MALRD1: variants seen among roughly 807,000 people sequenced by gnomAD.
The protein encoded by MALRD1 is MAM and LDL-receptor class A domain-containing protein 1.
In MALRD1, 247 loss-of-function variants were observed where a neutral mutation model predicts 242.1. The ratio of observed to expected loss-of-function variants is 1.02; its 90% confidence interval spans 0.92 to 1.13. The LOEUF (loss-of-function observed/expected upper bound fraction) is 1.13. Among genes scored for constraint, MALRD1 ranks in the 50% most tolerant of loss-of-function variants. The pLI, the probability that MALRD1 is intolerant of heterozygous loss-of-function variation, is 0.00. For synonymous variants in MALRD1, 995 were observed against 866.6 expected (o/e 1.15, Z -2.60); for missense variants, 2,989 against 2,533.1 (o/e 1.18, Z -3.86).
chr10:19,459,568 A>G (rs1415323579), intron 29 of MALRD1, among the ~76,000 whole-genome samples: 2 of 152,080 alleles, frequency 1.3e-5, no homozygotes, highest in Non-Finnish European at 2.9e-5. Context: ...CAAAAGAACT[A>G]TGTGATTGAG....
chr10:19,485,873 GAAT>G (rs1046187771), intron 29 of MALRD1, among the ~76,000 whole-genome samples: 2 of 151,794 alleles, frequency 1.3e-5, no homozygotes, highest in Non-Finnish European at 2.9e-5. Flanking sequence ...ACTCTATGAT[GAAT>G]AATAATGGAA....
intron 4 of MALRD1, among the ~76,000 whole-genome samples, chr10:19,088,856 G>A (rs1320705991): frequency 5.9e-5 from 2 of 34,182 alleles, no homozygotes. Flanking sequence ...TTGTTCTTGC[G>A]ATAGTTTACT....
chr10:19,611,150 C>A (rs545753958), intron 35 of MALRD1, among the ~76,000 whole-genome samples: 1 of 152,036 alleles, frequency 6.6e-6, no homozygotes, highest in South Asian at 2.1e-4. Flanking sequence ...ACCTTCCTAG[C>A]AGTCCTATAA....
chr10:19,424,033 C>G (rs1833813018), intron 28 of MALRD1, among the ~76,000 whole-genome samples: 2 of 151,830 alleles, frequency 1.3e-5, no homozygotes, highest in Admixed American at 1.3e-4. Context: ...GAAAATAAAA[C>G]AGAAAAAAAG....
At chr10:19,401,355 T>C (rs772420744) in intron 28 of MALRD1, among the ~76,000 whole-genome samples, 1 of 152,196 alleles carries the variant, frequency 6.6e-6, no homozygotes, top group African/African-American at 2.4e-5. Flanking sequence ...TTTGGGTAAC[T>C]TCTAACATAA....
At chr10:19,310,621 G>T (rs1842388474) in intron 21 of MALRD1, among the ~76,000 whole-genome samples, 1 of 151,438 alleles carries the variant, frequency 6.6e-6, no homozygotes, top group Non-Finnish European at 1.5e-5. Flanking sequence ...TCCTAAATTT[G>T]GTCTTAAGAT....
At chr10:19,218,828 A>G (rs1293907962) in intron 18 of MALRD1, among the ~76,000 whole-genome samples, 1 of 152,128 alleles carries the variant, frequency 6.6e-6, no homozygotes, top group Non-Finnish European at 1.5e-5. Context: ...TAAGAAACAA[A>G]AATACTAAGG....
intron 19 of MALRD1, among the ~76,000 whole-genome samples, chr10:19,260,694 G>A (rs941816891): frequency 1.3e-5 from 2 of 152,076 alleles, no homozygotes; most frequent in African/African-American, 4.8e-5. Context: ...AAGAGTGCCT[G>A]GTCCATCATA....
intron 26 of MALRD1, among the ~76,000 whole-genome samples, chr10:19,370,265 C>A (rs951410708): frequency 2.6e-5 from 4 of 152,022 alleles, no homozygotes; most frequent in African/African-American, 9.7e-5. Context: ...AAATGTGAGA[C>A]CCTACTGGGA....
At chr10:19,095,764 C>T (rs988981410) in intron 4 of MALRD1, among the ~76,000 whole-genome samples, 2 of 152,150 alleles carry the variant, frequency 1.3e-5, no homozygotes, top group Non-Finnish European at 1.5e-5. Context: ...TTATTAACCG[C>T]TGGAGAAGTT....
At position 19,209,480 on chromosome 10, in the gene MALRD1, C is replaced by A; in HGVS notation, c.2791C>A (p.Pro931Thr). 1 of 1,550,784 alleles carries A rather than the reference C, an allele frequency of 6.4e-7. No homozygotes were observed. The highest frequency in any genetic ancestry group is 8.7e-7 in the Non-Finnish European group (1 of 1,147,034). The part of the protein sequence containing the change: ...AFQDSAALLS[P>T]ILNATDTKGC... ...TCAAGACAGTGCTGCCTTACTCAGC[C>A]CAATCCTTAATGCCACTGATACAAA... Residue 931 changes from proline to threonine, a missense_variant, in exon 18 of 40, where the codon CCA becomes ACA. By Grantham distance (38) the Pro-to-Thr change is conservative. Coordinates refer to ENST00000454679, the MANE Select transcript of MALRD1 (RefSeq NM_001142308.3).
chr10:19,118,166 A>G lies in MALRD1; in HGVS notation c.695-5326A>G, dbSNP rs186170351. Among the ~76,000 whole-genome samples, 14 of 152,322 alleles carry G rather than the reference A, an allele frequency of 9.2e-5. 1 individual carries two copies. The highest frequency in any genetic ancestry group is 9.1e-4 in the Admixed American group (14 of 15,306). ...CACATTAAAACATATCACCTGAGAA[A>G]AATAGCCAAACAGTAGAGGAAATAA... On this transcript the variant is annotated intron_variant, in intron 5 of 39. Coordinates refer to ENST00000454679, the MANE Select transcript of MALRD1 (RefSeq NM_001142308.3).
At chr10:19,298,707 A>C (rs940692895) in intron 21 of MALRD1, among the ~76,000 whole-genome samples, 3 of 148,672 alleles carry the variant, frequency 2.0e-5, no homozygotes, top group Non-Finnish European at 4.5e-5. Flanking sequence ...TCAGCACCTT[A>C]AGATGCTCAG....
intron 18 of MALRD1, among the ~76,000 whole-genome samples, chr10:19,242,695 T>C (rs539591211): frequency 2.0e-5 from 3 of 152,282 alleles, no homozygotes; most frequent in South Asian, 4.1e-4. Context: ...ATTCTTTTTT[T>C]ATATAGTTTT....
intron 33 of MALRD1, among the ~76,000 whole-genome samples, chr10:19,577,539 A>G (rs1229372069): frequency 1.3e-5 from 2 of 152,106 alleles, no homozygotes; most frequent in Admixed American, 6.6e-5. Flanking sequence ...ATTTTGTTGA[A>G]TTAGGAGGAG....
chr10:19,734,368 T>A lies in MALRD1; in HGVS notation c.*131T>A. 1 of 700,584 alleles carries A rather than the reference T, an allele frequency of 1.4e-6. No homozygotes were observed. The allele number at this position is 700,584 out of a possible 1,614,324, so 43.4% of individuals were successfully genotyped here. On this transcript the variant is annotated 3_prime_UTR_variant, in exon 40 of 40. Coordinates refer to ENST00000454679, the MANE Select transcript of MALRD1 (RefSeq NM_001142308.3). ...TGTAAATGCCAGTGTAATTATAACA[T>A]TTATGAATGAATTTTCTTGCAGAAT...
At chr10:19,526,654 A>G (rs1484089855) in intron 31 of MALRD1, among the ~76,000 whole-genome samples, 3 of 152,146 alleles carry the variant, frequency 2.0e-5, no homozygotes, top group African/African-American at 7.2e-5. Flanking sequence ...ATATACTTTG[A>G]TAACTCAGCC....
chr10:19,122,960 A>G (rs934063036), intron 5 of MALRD1, among the ~76,000 whole-genome samples: 9 of 152,144 alleles, frequency 5.9e-5, no homozygotes, highest in African/African-American at 2.2e-4. Context: ...TCCTGACCTC[A>G]GGTGATCCAC....
At chr10:19,544,052 T>G (rs1013620341) in intron 32 of MALRD1, among the ~76,000 whole-genome samples, 1 of 152,126 alleles carries the variant, frequency 6.6e-6, no homozygotes. Flanking sequence ...GAGCTTCTAG[T>G]TTTTTAAATA....
Sources: allele counts gnomAD v4.1 joint callset (sites outside exome capture counted in the v4.1 genomes callset), GRCh38; gene constraint gnomAD v4.1.1; transcripts MANE v1.5; gene names NCBI Gene and HGNC (gene_info 2026-07-23, HGNC 2026-07-21).